The following FHIP1A variants were observed in gnomAD, a reference collection of about 807,000 sequenced individuals.
FHIP1A encodes FHF complex subunit HOOK-interacting protein 1A.
In FHIP1A, 61 loss-of-function variants were observed where a neutral mutation model predicts 88.6. The ratio of observed to expected loss-of-function variants is 0.69; its 90% CI spans 0.56 to 0.85. The LOEUF (loss-of-function observed/expected upper bound fraction) is 0.85. Among genes scored for constraint, FHIP1A ranks in the 40% least tolerant of loss-of-function variants. FHIP1A has a pLI of 0.00. For synonymous variants in FHIP1A, 478 were observed against 496.0 expected (o/e 0.96, Z 0.48); for missense variants, 1,154 against 1,273.5 (o/e 0.91, Z 1.43).
chr4:151,646,612 G>A lies in FHIP1A; in HGVS notation c.1281G>A (p.Glu427=). 1 of 1,551,678 alleles carries A rather than the reference G, an allele frequency of 6.4e-7. No individual in the cohort carries two copies. The highest frequency in any genetic ancestry group is 8.7e-7 in the Non-Finnish European group (1 of 1,146,958). ...TGAGTCAGAGGTGGGCTGTGAAGGA[G>A]AGAGACTGTTACTCTGTTTCTGCGG... is the stretch of plus-strand genomic sequence containing the variant. ...MMLSQRWAVK[E]RDCYSVSAAK... is the part of the protein sequence containing the mutation. The change falls in exon 10 of 14, where the codon GAG becomes GAA. Residue 427 remains glutamate (E), a synonymous_variant. Transcript: ENST00000435205.
intron 5 of FHIP1A, among the ~76,000 whole-genome samples, chr4:151,583,090 C>T (rs1734083765): frequency 1.3e-5 from 2 of 152,148 alleles, no homozygotes; most frequent in Non-Finnish European, 2.9e-5. Context: ...ACTCTTTCCC[C>T]AGGACCAATC....
intron 3 of FHIP1A, among the ~76,000 whole-genome samples, chr4:151,560,883 T>A (rs1199201492): frequency 6.6e-6 from 1 of 152,184 alleles, no homozygotes; most frequent in Non-Finnish European, 1.5e-5. Flanking sequence ...TTTTTAATTT[T>A]AAGCTTTATC....
chr4:151,563,657 T>C (rs1408463513), intron 3 of FHIP1A, among the ~76,000 whole-genome samples: 2 of 152,118 alleles, frequency 1.3e-5, no homozygotes, highest in African/African-American at 2.4e-5. Context: ...AGTTTTAGCA[T>C]TGGACTGGGA....
chr4:151,422,090 C>A (rs1304342471), intron 1 of FHIP1A, among the ~76,000 whole-genome samples: 1 of 151,596 alleles, frequency 6.6e-6, no homozygotes, highest in Non-Finnish European at 1.5e-5. Context: ...AGTCTTCTGG[C>A]CCACTAGGAA....
intron 1 of FHIP1A, among the ~76,000 whole-genome samples, chr4:151,451,811 T>TC (rs1021852377): frequency 5.9e-5 from 9 of 151,326 alleles, no homozygotes; most frequent in African/African-American, 1.9e-4. Context: ...TCTTTCTTTT[T>TC]TTTCTTTCTT....
At chr4:151,638,612 T>A in intron 8 of FHIP1A, 65 bp from the exon 9 acceptor site, 1 of 938,472 alleles carries the variant, frequency 1.1e-6, no homozygotes, top group South Asian at 1.6e-5. Context: ...ATTTATTTAC[T>A]ATCTGTGGGG....
rs891318277 is a variant in FHIP1A at position 151,454,259 on chromosome 4, A to C, written c.-355-442A>C. Among the ~76,000 whole-genome samples the C allele has an allele frequency of 4.6e-5, 7 of 152,256 alleles. No homozygotes were observed. The South Asian group carries it at 1.5e-3, about 32-fold the overall frequency. Reference sequence around the variant, plus strand: ...ATGGCATTCATATACCTATTGATTTAGGCATATCACATTGGAGGCACATCA... The same window carrying C: ...ATGGCATTCATATACCTATTGATTTCGGCATATCACATTGGAGGCACATCA... On this transcript the variant is annotated intron_variant, in intron 1 of 13. Coordinates refer to ENST00000435205, the MANE Select transcript of FHIP1A (RefSeq NM_001109977.3).
At chr4:151,613,147 T>C (rs918023650) in intron 7 of FHIP1A, among the ~76,000 whole-genome samples, 4 of 152,186 alleles carry the variant, frequency 2.6e-5, no homozygotes, top group African/African-American at 7.2e-5. Context: ...CTTGTACTCG[T>C]TAATTTAAAA....
chr4:151,603,764 AT>A (rs1368092554), intron 7 of FHIP1A, among the ~76,000 whole-genome samples: 3 of 152,018 alleles, frequency 2.0e-5, no homozygotes, highest in Non-Finnish European at 4.4e-5. Flanking sequence ...TCATCCTTGA[AT>A]TTTTTCTCTT....
At chr4:151,423,321 A>T (rs1733246542) in intron 1 of FHIP1A, among the ~76,000 whole-genome samples, 1 of 151,816 alleles carries the variant, frequency 6.6e-6, no homozygotes, top group Non-Finnish European at 1.5e-5. Context: ...TTAATATATT[A>T]ATTTTACTAT....
intron 3 of FHIP1A, among the ~76,000 whole-genome samples, chr4:151,517,878 C>T (rs562196932): frequency 1.3e-5 from 2 of 151,920 alleles, no homozygotes; most frequent in African/African-American, 4.8e-5. Flanking sequence ...TACAGCTGTA[C>T]AATCTGTGTT....
chr4:151,474,411 A>T (rs1299574933), intron 2 of FHIP1A, among the ~76,000 whole-genome samples: 2 of 152,016 alleles, frequency 1.3e-5, no homozygotes, highest in East Asian at 1.9e-4. Flanking sequence ...ATTAAATTAT[A>T]AAAAAAATAA....
At chr4:151,593,080 T>C (rs1734500880) in intron 7 of FHIP1A, among the ~76,000 whole-genome samples, 1 of 152,188 alleles carries the variant, frequency 6.6e-6, no homozygotes, top group South Asian at 2.1e-4. Context: ...TGTAGATGTG[T>C]AGCATTATTC....
At chr4:151,461,344 G>A (rs898522948) in intron 2 of FHIP1A, among the ~76,000 whole-genome samples, 2 of 152,186 alleles carry the variant, frequency 1.3e-5, no homozygotes, top group Non-Finnish European at 1.5e-5. Flanking sequence ...CCCAGCAAAT[G>A]GTCAGGCTTA....
chr4:151,423,779 A>C (rs542169428), intron 1 of FHIP1A, among the ~76,000 whole-genome samples: 1 of 152,344 alleles, frequency 6.6e-6, no homozygotes, highest in African/African-American at 2.4e-5. Context: ...CACAAAAGGT[A>C]GTGACAAATG....
chr4:151,422,472 C>T (rs1486927467), intron 1 of FHIP1A, among the ~76,000 whole-genome samples: 1 of 152,034 alleles, frequency 6.6e-6, no homozygotes, highest in Non-Finnish European at 1.5e-5. Flanking sequence ...CTGCAACCTC[C>T]GTCTCCTGGG....
In FHIP1A at chr4:151,577,971, G is replaced by C; in HGVS notation, c.627G>C (p.Gly209=). The part of the protein sequence containing the change: ...SLLIPFIHRE[G]SVGQQARDAL... The stretch of plus-strand genomic sequence containing the variant: ...TGATTCCCTTCATTCACCGAGAGGG[G>C]TCAGTAGGCCAGCAAGCTCGGGATG... The change falls in exon 5 of 14, where the codon GGG becomes GGC. Residue 209 remains glycine, a synonymous_variant. Transcript: ENST00000435205. 1 of 1,551,268 alleles carries C rather than the reference G, an allele frequency of 6.4e-7. No homozygotes were observed. Among genetic ancestry groups the C allele is most frequent in the Non-Finnish European group, 8.7e-7 (1 of 1,146,934 alleles).
rs1005897378 is a variant in FHIP1A at position 151,528,295 on chromosome 4, C to T, written c.-122-37843C>T. On this transcript the variant is annotated intron_variant, in intron 3 of 13. Transcript: ENST00000435205. ...TTATGCAGTAGTGCTCCTCTACTGC[C>T]TCTTTAAAATCTATGGTAAACAAAT... Among the ~76,000 whole-genome samples the T allele has an allele frequency of 7.9e-5, 12 of 152,196 alleles. 1 individual carries two copies. Among genetic ancestry groups the T allele is most frequent in the African/African-American group, 2.2e-4 (9 of 41,508 alleles).
chr4:151,533,269 G>A (rs1048834849), intron 3 of FHIP1A, among the ~76,000 whole-genome samples: 3 of 152,070 alleles, frequency 2.0e-5, no homozygotes, highest in East Asian at 3.9e-4. Flanking sequence ...GGTGGTGCAT[G>A]CCTGTGGTCC....
Sources: allele counts gnomAD v4.1 joint callset (sites outside exome capture counted in the v4.1 genomes callset), GRCh38; gene constraint gnomAD v4.1.1; transcripts MANE v1.5; gene names NCBI Gene and HGNC (gene_info 2026-07-23, HGNC 2026-07-21).